Variants in HERC1 observed in about 807,000 individuals in gnomAD.
The protein encoded by HERC1 is HECT and RLD domain containing E3 ubiquitin protein ligase family member 1.
HERC1 carries 160 observed loss-of-function variants against 554.3 expected under a neutral mutation model. That is an observed-to-expected ratio of 0.29 (90% CI 0.25 to 0.33). The LOEUF is 0.33. HERC1 is among the 10% of genes least tolerant of loss of function. The pLI is 1.00. For synonymous variants in HERC1, 2,175 were observed against 2,131.7 expected (o/e 1.02, Z -0.56); for missense variants, 4,919 against 5,918.5 (o/e 0.83, Z 5.54).
At chr15:63,696,098 T>G (rs574504601) in intron 27 of HERC1, 26 bp downstream of exon 27, 5 of 1,499,578 alleles carry the variant, frequency 3.3e-6, no homozygotes, top group Non-Finnish European at 4.6e-6. Flanking sequence ...AGTTAAAATC[T>G]GTATATACTG....
chr15:63,687,294 A>C (rs62014215), intron 33 of HERC1, among the ~76,000 whole-genome samples: 25,827 of 152,082 alleles, frequency 0.17, 2,448 homozygotes, highest in Middle Eastern at 0.22. Flanking sequence ...AATCCCAGCA[A>C]TTTGAGAGAC....
chr15:63,743,404 G>A (rs1342982629), intron 12 of HERC1, among the ~76,000 whole-genome samples: 1 of 151,766 alleles, frequency 6.6e-6, no homozygotes, highest in Non-Finnish European at 1.5e-5. Context: ...TGGGACTACA[G>A]GCATGTGCCA....
rs567815470 is a variant in HERC1, at chr15:63,682,427, C to A, written c.6226-1651G>T. The stretch of plus-strand genomic sequence containing the variant: ...AGATGAGCCAGAGTAGAAAAATTAG[C>A]TTGTAGTTGCTCTCTCCTCCAGTGG... On this transcript the variant is annotated intron_variant, in intron 34 of 77. Transcript: ENST00000443617. 9.3e-4 allele frequency among the ~76,000 whole-genome samples: 142 copies of A among 152,272 alleles called. 1 individual carries two copies. The highest frequency in any genetic ancestry group is 3.2e-3 in the African/African-American group (131 of 41,550).
At position 63,692,660 on chromosome 15, in the gene HERC1, A is replaced by G; in HGVS notation, c.5675-94T>C. 2 of 1,060,412 alleles carry G rather than the reference A, an allele frequency of 1.9e-6. No individual in the cohort carries two copies. The highest frequency in any genetic ancestry group is 1.6e-5 in the African/African-American group (1 of 62,250). 65.7% of individuals were successfully genotyped at this position (1,060,412 alleles called of 1,614,324 possible). A position where few individuals can be genotyped will look rare whatever the true frequency, so the allele number is the denominator to read the frequency against. ...TACCTTGAAACTGCAGTAAGCACAA[A>G]TCTAATGCAAAATCTTAGGCTGTCA... On this transcript the variant is annotated intron_variant, in intron 30 of 77. Coordinates refer to ENST00000443617, the MANE Select transcript of HERC1 (RefSeq NM_003922.4). This position sits in a 1 kb window ranked among gnomAD's most constrained non-coding sequence, Gnocchi z 4.7.
intron 2 of HERC1, among the ~76,000 whole-genome samples, chr15:63,773,820 C>T (rs1408901279): frequency 6.6e-6 from 1 of 152,108 alleles, no homozygotes; most frequent in Non-Finnish European, 1.5e-5. Context: ...GCTGGGATTA[C>T]AGGCATGAGA....
chr15:63,622,792 T>A, intron 74 of HERC1, 23 bp downstream of exon 74: 1 of 1,548,708 alleles, frequency 6.5e-7, no homozygotes, highest in Non-Finnish European at 8.8e-7. Flanking sequence ...AGACATATAA[T>A]GAACACTTGC....
chr15:63,775,971 G>A lies in HERC1; in HGVS notation c.-26-322C>T, dbSNP rs2076100437. The stretch of plus-strand genomic sequence containing the variant: ...GAGAATCGCTTGAACCTGGGAGGCG[G>A]AGGTTGCAGTGAGCCGAGATCGCGC... On this transcript the variant is annotated intron_variant, in intron 1 of 77. Transcript: ENST00000443617. The surrounding 1 kb of genome is among the most constrained non-coding windows in gnomAD (Gnocchi z 4.0). Among the ~76,000 whole-genome samples, 2 of 151,138 alleles carry A rather than the reference G, an allele frequency of 1.3e-5. No homozygotes were observed. The highest frequency in any genetic ancestry group is 2.1e-4 in the South Asian group (1 of 4,784).
At chr15:63,793,693 A>C (rs1445208718) in intron 1 of HERC1, among the ~76,000 whole-genome samples, 1 of 152,128 alleles carries the variant, frequency 6.6e-6, no homozygotes, top group African/African-American at 2.4e-5. Context: ...CTCGCCCTGA[A>C]TTCTTTCTTG....
chr15:63,641,715 G>A, intron 59 of HERC1, 72 bp from the exon 60 acceptor site: 2 of 1,268,332 alleles, frequency 1.6e-6, no homozygotes, highest in Non-Finnish European at 2.1e-6. Flanking sequence ...CATTTAATCT[G>A]CGAAATTCCT....
chr15:63,627,803 T>A (rs1481092891), intron 70 of HERC1, among the ~76,000 whole-genome samples: 1 of 152,170 alleles, frequency 6.6e-6, no homozygotes, highest in Non-Finnish European at 1.5e-5. Flanking sequence ...GGGCCCACAG[T>A]TGGGTGTTGA....
In HERC1 at chr15:63,612,180, CCT is replaced by C. The variant is rs1448342550; in HGVS notation, c.14400+69_14400+70del. Reference sequence around the variant, plus strand: ...TCCAGCCTGGGCCACAGAGTGAGACCCTGTCTCAACAAAAACAACAATGAAGC... The same window carrying C: ...TCCAGCCTGGGCCACAGAGTGAGACCGTCTCAACAAAAACAACAATGAAGC... On this transcript the variant is annotated intron_variant, in intron 77 of 77. Transcript: ENST00000443617. This position sits in a 1 kb window ranked among gnomAD's most constrained non-coding sequence, Gnocchi z 5.0. The C allele has an allele frequency of 1.5e-6, 2 of 1,338,374 alleles. No homozygotes were observed. Among genetic ancestry groups the C allele is most frequent in the East Asian group, 5.0e-5 (2 of 40,118 alleles). The allele number at this position is 1,338,374 out of a possible 1,614,324, so 82.9% of individuals were successfully genotyped here.
chr15:63,708,433 T>A (rs2073126153), intron 24 of HERC1, among the ~76,000 whole-genome samples: 1 of 152,208 alleles, frequency 6.6e-6, no homozygotes, highest in Non-Finnish European at 1.5e-5. Flanking sequence ...TCAGTCCTAA[T>A]TCATTCATCT....
At chr15:63,738,548 C>T (rs1374407325) in intron 12 of HERC1, among the ~76,000 whole-genome samples, 1 of 151,704 alleles carries the variant, frequency 6.6e-6, no homozygotes, top group Non-Finnish European at 1.5e-5. Flanking sequence ...ACAGGTAGTT[C>T]AAATAAAAAA....
At chr15:63,833,790 CAGGA>C (rs1469844574) in intron 1 of HERC1, 33 bp downstream of exon 1, 1 of 149,582 alleles carries the variant, frequency 6.7e-6, no homozygotes, top group African/African-American at 2.5e-5. Flanking sequence ...CACACACACA[CAGGA>C]CCAGGAGGAC....
At chr15:63,655,675 G>GT in intron 50 of HERC1, 67 bp downstream of exon 50, 1 of 1,140,668 alleles carries the variant, frequency 8.8e-7, no homozygotes, top group Non-Finnish European at 1.2e-6. Flanking sequence ...TACTAACAAT[G>GT]TAAAAACATT....
At chr15:63,638,377 A>G in intron 63 of HERC1, 34 bp downstream of exon 63, 2 of 1,599,624 alleles carry the variant, frequency 1.3e-6, no homozygotes, top group South Asian at 1.1e-5. Flanking sequence ...TTCAGTTCCC[A>G]TGTTTCTTTT....
chr15:63,706,885 G>A (rs1368870090), intron 24 of HERC1, 54 bp from the exon 25 acceptor site: 1 of 1,157,960 alleles, frequency 8.6e-7, no homozygotes, highest in African/African-American at 1.6e-5. Flanking sequence ...AGTATTTTAA[G>A]ATTAAGATTT....
chr15:63,770,929 C>T (rs62020781), intron 2 of HERC1, among the ~76,000 whole-genome samples: 20,063 of 152,150 alleles, frequency 0.13, 1,777 homozygotes, highest in Middle Eastern at 0.2. Flanking sequence ...TGGCTCACGC[C>T]TGTAATCCCA....
chr15:63,820,282 A>C (rs2077641737), intron 1 of HERC1, among the ~76,000 whole-genome samples: 1 of 152,292 alleles, frequency 6.6e-6, no homozygotes, highest in South Asian at 2.1e-4. Context: ...TCCATCCCTC[A>C]TTCTTTCCAA....
Sources: gnomAD v4.1 joint callset for allele counts (sites outside exome capture counted in the v4.1 genomes callset) on GRCh38, gnomAD v4.1.1 for gene constraint, Gnocchi (gnomAD v3.1) non-coding constraint, MANE v1.5 for transcripts, NCBI Gene and HGNC (gene_info 2026-07-23, HGNC 2026-07-21) for gene names.